The following INPP4B variants were observed in gnomAD, a reference collection of about 807,000 sequenced individuals.
INPP4B encodes inositol polyphosphate 4-phosphatase type II.
A neutral mutation model predicts 122.5 loss-of-function variants in INPP4B; 55 were observed. The observed-to-expected ratio is 0.45, with a 90% CI of 0.36 to 0.56. The LOEUF is 0.56. Among genes scored for constraint, INPP4B ranks in the 20% least tolerant of loss-of-function variants. The pLI, the probability that INPP4B is intolerant of heterozygous loss-of-function variation, is 0.00. For synonymous variants in INPP4B, 403 were observed against 388.7 expected, an observed-to-expected ratio of 1.04 and a Z score of -0.43; for missense variants, 1,000 against 1,097.7, an observed-to-expected ratio of 0.91 and a Z score of 1.26.
chr4:142,112,084 C>A (rs956091681), intron 22 of INPP4B, among the ~76,000 whole-genome samples: 1 of 152,066 alleles, frequency 6.6e-6, no homozygotes, highest in Admixed American at 6.6e-5. Flanking sequence ...GATCACAGTA[C>A]AATCATTTGC....
intron 7 of INPP4B, chr4:142,317,222 G>A (rs570732649): frequency 1.7e-4 from 49 of 295,818 alleles, no homozygotes; most frequent in African/African-American, 1.0e-3. Flanking sequence ...AGGGGGAAGG[G>A]TGCAGGATTT....
At position 142,314,772 on chromosome 4, in the gene INPP4B, A is replaced by G; in HGVS notation, c.373-10T>C. 6.3e-7 allele frequency: 1 copy of G among 1,592,528 alleles called. No homozygotes were observed. Among genetic ancestry groups the G allele is most frequent in the South Asian group, 1.2e-5 (1 of 85,380 alleles). On this transcript the variant is annotated splice_polypyrimidine_tract_variant and intron_variant, in intron 7 of 25. Transcript: ENST00000262992. ...GGACACTGGTTCGAACCTGTGGAGAAAAACATTTTCTGTAAGACTTTGGAG... is the reference window on the plus strand; with the variant it reads ...GGACACTGGTTCGAACCTGTGGAGAGAAACATTTTCTGTAAGACTTTGGAG...
chr4:142,427,932 A>G (rs1808459698), intron 5 of INPP4B, among the ~76,000 whole-genome samples: 1 of 151,800 alleles, frequency 6.6e-6, no homozygotes, highest in African/African-American at 2.4e-5. Context: ...AAAACTCTCT[A>G]GAGAGAGAGG....
rs1398772971 is a variant in INPP4B, at chr4:142,305,534, T to A, written c.427A>T (p.Ser143Cys). 1 of 1,610,574 alleles carries A rather than the reference T, an allele frequency of 6.2e-7. No individual in the cohort carries two copies. Among genetic ancestry groups the A allele is most frequent in the Admixed American group, 1.7e-5 (1 of 59,356 alleles). ...HKDPPPEVGR[S>C]FLGYASFKVG... ...TTAAAACTGGCATAGCCCAAGAAAC[T>A]TCGCTGAAAATAACAGAAAGAATGG... The change falls in exon 9 of 26, where the codon AGT becomes TGT. Residue 143 changes from serine (S) to cysteine (C), a missense_variant. Transcript: ENST00000262992.
chr4:142,097,277 G>A (rs1470484777), intron 23 of INPP4B, among the ~76,000 whole-genome samples: 2 of 43,016 alleles, frequency 4.6e-5, no homozygotes, highest in African/African-American at 1.3e-4. Context: ...TTTTTGAGAC[G>A]GAGTTTCGCT....
At chr4:142,133,337 A>G (rs1027141206) in intron 18 of INPP4B, among the ~76,000 whole-genome samples, 1 of 152,174 alleles carries the variant, frequency 6.6e-6, no homozygotes. Flanking sequence ...CAAACTTGAT[A>G]TCTCCATGTC....
chr4:142,086,091 T>C, intron 24 of INPP4B, 53 bp downstream of exon 24: 1 of 1,184,686 alleles, frequency 8.4e-7, no homozygotes, highest in East Asian at 2.3e-5. Context: ...GAACTGATAA[T>C]ATTTGCTGGT....
In INPP4B at chr4:142,026,641, A is replaced by G. The variant is rs1240654680; in HGVS notation, c.*2141T>C. Reference sequence around the variant, plus strand: ...GCCACCACATCCAGCTAATTTTTGTATCTTTAGTAGAGATGGGGTTTCACC... The same window carrying G: ...GCCACCACATCCAGCTAATTTTTGTGTCTTTAGTAGAGATGGGGTTTCACC... On this transcript the variant is annotated 3_prime_UTR_variant, in exon 26 of 26. Coordinates refer to ENST00000262992, the MANE Select transcript of INPP4B (RefSeq NM_001101669.3). The G allele has an allele frequency of 1.3e-5, 2 of 152,150 alleles. No individual in the cohort carries two copies. The highest frequency in any genetic ancestry group is 4.8e-5 in the African/African-American group (2 of 41,404). The allele number at this position is 152,150 out of a possible 1,614,324, so 9.4% of individuals were successfully genotyped here. A position where few individuals can be genotyped will look rare whatever the true frequency, so the allele number is the denominator to read the frequency against.
intron 2 of INPP4B, among the ~76,000 whole-genome samples, chr4:142,657,391 G>T (rs966437800): frequency 6.6e-5 from 10 of 152,174 alleles, no homozygotes; most frequent in Non-Finnish European, 1.5e-5. Flanking sequence ...AACTGGTAAG[G>T]TGTGGACATA....
chr4:142,551,436 G>A (rs1370811456), intron 2 of INPP4B, among the ~76,000 whole-genome samples: 1 of 152,164 alleles, frequency 6.6e-6, no homozygotes, highest in Non-Finnish European at 1.5e-5. Flanking sequence ...GGAGGGTAAA[G>A]AGACAAGGCA....
chr4:142,397,766 G>A (rs946358312), intron 7 of INPP4B, among the ~76,000 whole-genome samples: 1 of 152,060 alleles, frequency 6.6e-6, no homozygotes, highest in Non-Finnish European at 1.5e-5. Context: ...TTGAACCTGG[G>A]AGGTGGAGGT....
intron 3 of INPP4B, among the ~76,000 whole-genome samples, chr4:142,455,280 C>A (rs186003834): frequency 6.6e-4 from 100 of 152,034 alleles, no homozygotes; most frequent in African/African-American, 2.4e-3. Context: ...TAATTATTTT[C>A]GTACACATTA....
At chr4:142,448,546 G>A (rs1813444533) in intron 3 of INPP4B, among the ~76,000 whole-genome samples, 1 of 152,050 alleles carries the variant, frequency 6.6e-6, no homozygotes. Flanking sequence ...AGTGTGAATG[G>A]ATAGGATCAC....
chr4:142,446,676 A>G (rs1473653888), intron 3 of INPP4B, among the ~76,000 whole-genome samples: 1 of 152,196 alleles, frequency 6.6e-6, no homozygotes, highest in African/African-American at 2.4e-5. Context: ...AGTAGAGAAA[A>G]TGAGGAGCTC....
intron 16 of INPP4B, among the ~76,000 whole-genome samples, chr4:142,164,361 T>C (rs1159579058): frequency 6.6e-6 from 1 of 151,894 alleles, no homozygotes. Flanking sequence ...CAATGCCTAA[T>C]TCCACCTGTA....
At chr4:142,175,941 A>G (rs1465706495) in intron 15 of INPP4B, among the ~76,000 whole-genome samples, 1 of 152,020 alleles carries the variant, frequency 6.6e-6, no homozygotes, top group African/African-American at 2.4e-5. Context: ...ATGCAGAGTC[A>G]TGTGGTCACT....
intron 2 of INPP4B, among the ~76,000 whole-genome samples, chr4:142,549,249 C>T (rs994975544): frequency 1.3e-5 from 2 of 152,054 alleles, no homozygotes; most frequent in Non-Finnish European, 2.9e-5. Context: ...TATGTTCACC[C>T]CCATCACTGT....
chr4:142,601,398 C>A (rs1739874580), intron 2 of INPP4B, among the ~76,000 whole-genome samples: 1 of 151,862 alleles, frequency 6.6e-6, no homozygotes, highest in African/African-American at 2.4e-5. Flanking sequence ...ATACCAAGAG[C>A]AGTTTTGGAA....
At chr4:142,694,770 GGGTTCAC>G (rs1370780896) in intron 2 of INPP4B, among the ~76,000 whole-genome samples, 1 of 151,972 alleles carries the variant, frequency 6.6e-6, no homozygotes, top group African/African-American at 2.4e-5. Context: ...AACCCTTAGA[GGGTTCAC>G]GCTGAGAAGA....
Sources: gnomAD v4.1 joint callset for allele counts (sites outside exome capture counted in the v4.1 genomes callset) on GRCh38, gnomAD v4.1.1 for gene constraint, MANE v1.5 for transcripts, NCBI Gene and HGNC (gene_info 2026-07-23, HGNC 2026-07-21) for gene names.